MTMR9: variants seen among roughly 807,000 people sequenced by gnomAD.
The protein encoded by MTMR9 is myotubularin-related protein 9.
A neutral mutation model predicts 69.5 loss-of-function variants in MTMR9; 39 were observed. That is an observed-to-expected ratio of 0.56 (90% confidence interval 0.43 to 0.73). MTMR9 has a LOEUF of 0.73. Ranked by LOEUF, MTMR9 falls within the 30% of genes least tolerant of loss-of-function variation. The probability of loss-of-function intolerance (pLI) is 0.00; values close to 1 mark genes in which losing one functional copy is unlikely to be tolerated. For missense variants in MTMR9, 900 were observed against 671.2 expected, an observed-to-expected ratio of 1.34 and a Z score of -3.77; for synonymous variants, 354 against 240.8, an observed-to-expected ratio of 1.47 and a Z score of -4.35.
intron 1 of MTMR9, among the ~76,000 whole-genome samples, chr8:11,291,958 A>G (rs1799391949): frequency 6.6e-6 from 1 of 152,136 alleles, no homozygotes; most frequent in African/African-American, 2.4e-5. Context: ...GTGTTGATAT[A>G]TGTACACACC....
chr8:11,319,711 G>A lies in MTMR9; in HGVS notation c.1359G>A (p.Lys453=). 6.2e-7 allele frequency: 1 copy of A among 1,614,034 alleles called. No homozygotes were observed. Among genetic ancestry groups the A allele is most frequent in the South Asian group, 1.1e-5 (1 of 91,084 alleles). Residue 453 remains lysine, a synonymous_variant, in exon 9 of 10, where the codon AAG becomes AAA. Coordinates refer to ENST00000221086, the MANE Select transcript of MTMR9 (RefSeq NM_015458.4). Reference sequence around the variant, plus strand: ...GATGTAAGTTGAAGCTACAGCAGAAGACGATGTCTTTGTGGTCCTGGGTTA... The same window carrying A: ...GATGTAAGTTGAAGCTACAGCAGAAAACGATGTCTTTGTGGTCCTGGGTTA... The part of the protein sequence containing the change: ...SERCKLKLQQ[K]TMSLWSWVNQ...
In MTMR9 at chr8:11,323,003, G is replaced by A; in HGVS notation, c.*215G>A. The A allele has an allele frequency of 2.8e-6, 1 of 361,524 alleles. No homozygotes were observed. Among genetic ancestry groups the A allele is most frequent in the Admixed American group, 4.6e-5 (1 of 21,544 alleles). 22.4% of individuals were successfully genotyped at this position (361,524 alleles called of 1,614,324 possible). A position where few individuals can be genotyped will look rare whatever the true frequency, so the allele number is the denominator to read the frequency against. ...GGCCTGTTAGGGCCTGTCACTTTGG[G>A]AGCCGGAAGGAGGTGCTAGTCATTT... is the stretch of plus-strand genomic sequence containing the variant. On this transcript the variant is annotated 3_prime_UTR_variant, in exon 10 of 10. Coordinates refer to ENST00000221086, the MANE Select transcript of MTMR9 (RefSeq NM_015458.4).
Position 11,306,273 on chromosome 8 carries a change from C to T in MTMR9, c.675C>T (p.Leu225=), listed in dbSNP as rs138846493. Residue 225 remains leucine (L), a synonymous_variant, in exon 5 of 10, where the codon CTC becomes CTT. Coordinates refer to ENST00000221086, the MANE Select transcript of MTMR9 (RefSeq NM_015458.4). ...KEDEKLINAT[L]RAGKRGYIID... ...ACGAGAAGCTGATAAATGCTACCCT[C>T]AGGGCTGGAAAGCGTGGCTACATCA... is the stretch of plus-strand genomic sequence containing the variant. 3 of 1,614,026 alleles carry T rather than the reference C, an allele frequency of 1.9e-6. No individual in the cohort carries two copies. The highest frequency in any genetic ancestry group is 1.7e-6 in the Non-Finnish European group (2 of 1,179,958).
At chr8:11,308,993 A>C (rs1800079777) in intron 5 of MTMR9, among the ~76,000 whole-genome samples, 1 of 152,206 alleles carries the variant, frequency 6.6e-6, no homozygotes. Context: ...CAAAGACTTT[A>C]GAGATTTAAT....
At chr8:11,309,022 A>G (rs1375832301) in intron 5 of MTMR9, among the ~76,000 whole-genome samples, 2 of 152,060 alleles carry the variant, frequency 1.3e-5, no homozygotes, top group Admixed American at 6.6e-5. Flanking sequence ...ATATCGACCT[A>G]TTTTCGCACA....
chr8:11,333,219 C>T, the MTMR9 span, among the ~76,000 whole-genome samples: 4 of 152,106 alleles, frequency 2.6e-5, no homozygotes, highest in African/African-American at 9.7e-5. Flanking sequence ...TATATGAAAA[C>T]TATCAAAAAT....
chr8:11,337,490 C>T, the MTMR9 span, among the ~76,000 whole-genome samples: 2 of 152,230 alleles, frequency 1.3e-5, no homozygotes, highest in South Asian at 2.1e-4. Flanking sequence ...CATTTGTCTT[C>T]CTCAGACATC....
chr8:11,304,200 A>C (rs1799852731), intron 3 of MTMR9, among the ~76,000 whole-genome samples: 1 of 152,202 alleles, frequency 6.6e-6, no homozygotes, highest in South Asian at 2.1e-4. Context: ...CCTAAGCTTA[A>C]CCTTCCTTAG....
the MTMR9 span, among the ~76,000 whole-genome samples, chr8:11,338,464 A>T: frequency 6.6e-6 from 1 of 152,194 alleles, no homozygotes; most frequent in South Asian, 2.1e-4. Context: ...AATGGTGAGG[A>T]TAGAATTTCA....
At chr8:11,330,188 G>T (rs1165565505), downstream of MTMR9, among the ~76,000 whole-genome samples, 2 of 151,682 alleles carry the variant, frequency 1.3e-5, no homozygotes, top group African/African-American at 2.4e-5. Flanking sequence ...CGCCCCGTCC[G>T]GGAGGGAGGT....
Position 11,288,699 on chromosome 8 carries a change from G to T in MTMR9, c.182+3629G>T, listed in dbSNP as rs145379331. Among the ~76,000 whole-genome samples the T allele has an allele frequency of 3.2e-3, 483 of 152,348 alleles. 2 individuals carry two copies. Among genetic ancestry groups the T allele is most frequent in the African/African-American group, 0.011 (442 of 41,582 alleles). On this transcript the variant is annotated intron_variant, in intron 1 of 9. Coordinates refer to ENST00000221086, the MANE Select transcript of MTMR9 (RefSeq NM_015458.4). ...TGGAGGGATAAGCAGTGGTCAGACCGTGGAGGGCCTGCAGGCCACAGTAAT... is the reference window on the plus strand; with the variant it reads ...TGGAGGGATAAGCAGTGGTCAGACCTTGGAGGGCCTGCAGGCCACAGTAAT...
rs1242857918 is a variant in MTMR9, at chr8:11,323,747, T to C, written c.*959T>C. 1.3e-5 allele frequency: 2 copies of C among 152,224 alleles called. No individual in the cohort carries two copies. The highest frequency in any genetic ancestry group is 4.8e-5 in the African/African-American group (2 of 41,464). The allele number at this position is 152,224 out of a possible 1,614,324, so 9.4% of individuals were successfully genotyped here. On this transcript the variant is annotated 3_prime_UTR_variant, in exon 10 of 10. Coordinates refer to ENST00000221086, the MANE Select transcript of MTMR9 (RefSeq NM_015458.4). ...GTGTGTTTTTTTAATTTGTAAGTAT[T>C]CTAAGAGTTTCCTAATACTAAGGTT...
downstream of MTMR9, among the ~76,000 whole-genome samples, chr8:11,328,365 GTGTGTGTT>G (rs1000782428): frequency 6.6e-5 from 10 of 150,712 alleles, no homozygotes; most frequent in Non-Finnish European, 8.9e-5. Context: ...GTGTGTGTGT[GTGTGTGTT>G]TGTTACACTG....
chr8:11,300,259 A>G (rs914113026), intron 3 of MTMR9, 111 bp downstream of exon 3: 6 of 1,154,730 alleles, frequency 5.2e-6, no homozygotes, highest in Middle Eastern at 2.5e-4. Context: ...TGACTTATCC[A>G]TTCCTAATCT....
At chr8:11,293,360 G>A (rs1698555516) in intron 1 of MTMR9, among the ~76,000 whole-genome samples, 1 of 152,170 alleles carries the variant, frequency 6.6e-6, no homozygotes, top group Non-Finnish European at 1.5e-5. Flanking sequence ...GAGGTAAAAC[G>A]TTAGAGATTA....
chr8:11,319,667 C>A lies in MTMR9; in HGVS notation c.1335-20C>A, dbSNP rs777231228. On this transcript the variant is annotated intron_variant, in intron 8 of 9. Coordinates refer to ENST00000221086, the MANE Select transcript of MTMR9 (RefSeq NM_015458.4). Reference sequence around the variant, plus strand: ...TGTTATAAATTAATTACTTTAATGGCAGTGTTCTTTCTTGATCAGATGTAA... The same window carrying A: ...TGTTATAAATTAATTACTTTAATGGAAGTGTTCTTTCTTGATCAGATGTAA... The A allele has an allele frequency of 1.2e-6, 2 of 1,611,718 alleles. No homozygotes were observed. The highest frequency in any genetic ancestry group is 1.7e-6 in the Non-Finnish European group (2 of 1,179,236).
rs1800344407 is a variant in MTMR9, at chr8:11,314,843, A to C, written c.972-80A>C. ...CTCAGTAGACTAAAATGTTGTGCTC[A>C]ATAAACGCTTGTTATTAACAGAGTT... On this transcript the variant is annotated intron_variant, in intron 6 of 9. Transcript: ENST00000221086. 3 of 1,420,158 alleles carry C rather than the reference A, an allele frequency of 2.1e-6. No homozygotes were observed. The Admixed American group carries it at 5.3e-5, about 25-fold the overall frequency. The allele number at this position is 1,420,158 out of a possible 1,614,324, so 88.0% of individuals were successfully genotyped here. A position where few individuals can be genotyped will look rare whatever the true frequency, so the allele number is the denominator to read the frequency against.
intron 1 of MTMR9, among the ~76,000 whole-genome samples, chr8:11,292,365 G>C (rs1799404323): frequency 6.6e-6 from 1 of 152,170 alleles, no homozygotes; most frequent in African/African-American, 2.4e-5. Context: ...CAGTGGAATG[G>C]CTGGATCAGA....
intron 6 of MTMR9, among the ~76,000 whole-genome samples, chr8:11,311,328 A>G (rs374429143): frequency 6.6e-6 from 1 of 152,216 alleles, no homozygotes; most frequent in East Asian, 1.9e-4. Flanking sequence ...GGCATAACCT[A>G]AATGTCCAAC....
Sources: allele counts gnomAD v4.1 joint callset (sites outside exome capture counted in the v4.1 genomes callset), GRCh38; gene constraint gnomAD v4.1.1; transcripts MANE v1.5; gene names NCBI Gene and HGNC (gene_info 2026-07-23, HGNC 2026-07-21).